MEGF10: variants seen among roughly 807,000 people sequenced by gnomAD.
MEGF10 encodes multiple epidermal growth factor-like domains protein 10.
In MEGF10, 86 loss-of-function variants were observed where a neutral mutation model predicts 147.5. That is an observed-to-expected ratio of 0.58 (90% CI 0.49 to 0.70). The LOEUF (loss-of-function observed/expected upper bound fraction) is 0.70, where lower values mean the gene tolerates loss of function less well. Ranked by LOEUF, MEGF10 falls within the 30% of genes least tolerant of loss-of-function variation. The pLI, the probability that MEGF10 is intolerant of heterozygous loss-of-function variation, is 0.00. For synonymous variants in MEGF10, 478 were observed against 525.5 expected (o/e 0.91, Z 1.24); for missense variants, 1,329 against 1,487.3 (o/e 0.89, Z 1.75).
intron 6 of MEGF10, 58 bp from the exon 7 acceptor site, chr5:127,398,618 C>A: frequency 1.2e-6 from 2 of 1,606,938 alleles, no homozygotes; most frequent in Middle Eastern, 1.8e-4. Flanking sequence ...GTACAGTGAA[C>A]CCGAGGGTCA....
chr5:127,445,176 C>G, intron 19 of MEGF10: 1 of 419,964 alleles, frequency 2.4e-6, no homozygotes, highest in Non-Finnish European at 4.4e-6. Flanking sequence ...GATCAGTTCT[C>G]CCGCCTCAGT....
chr5:127,387,247 A>G (rs142385427), intron 5 of MEGF10, among the ~76,000 whole-genome samples: 64 of 152,302 alleles, frequency 4.2e-4, no homozygotes, highest in African/African-American at 1.5e-3. Context: ...ATTTCTGTTT[A>G]TCTCTAATCG....
chr5:127,416,593 G>A (rs1764788374), intron 9 of MEGF10, among the ~76,000 whole-genome samples: 2 of 152,108 alleles, frequency 1.3e-5, no homozygotes, highest in Non-Finnish European at 2.9e-5. Flanking sequence ...GAACACTAAG[G>A]TGCAGCAGGG....
chr5:127,440,794 C>T lies in MEGF10; in HGVS notation c.2289C>T (p.Asn763=), dbSNP rs151316424. 118 of 1,614,000 alleles carry T rather than the reference C, an allele frequency of 7.3e-5. No homozygotes were observed. Among genetic ancestry groups the T allele is most frequent in the Non-Finnish European group, 9.2e-5 (108 of 1,179,998 alleles). Residue 763 remains asparagine, a synonymous_variant, in exon 18 of 25, where the codon AAC becomes AAT. Coordinates refer to ENST00000503335, the MANE Select transcript of MEGF10 (RefSeq NM_001256545.2). ...KDCALICQCQ[N]GADCDHISGQ... is the part of the protein sequence containing the mutation. ...GTGCACTGATATGCCAATGTCAAAA[C>T]GGAGCTGACTGCGACCACATTTCTG...
At chr5:127,373,837 A>G (rs1178706104) in intron 5 of MEGF10, among the ~76,000 whole-genome samples, 1 of 152,200 alleles carries the variant, frequency 6.6e-6, no homozygotes, top group Non-Finnish European at 1.5e-5. Flanking sequence ...CAAAAAGGAA[A>G]CCCCACTAAG....
chr5:127,366,561 C>G (rs1406486097), intron 4 of MEGF10, among the ~76,000 whole-genome samples: 2 of 152,184 alleles, frequency 1.3e-5, no homozygotes, highest in South Asian at 4.1e-4. Context: ...GAAGCAGATT[C>G]CCCCTTCCAA....
chr5:127,296,750 C>T (rs1246977266), intron 1 of MEGF10, among the ~76,000 whole-genome samples: 1 of 152,144 alleles, frequency 6.6e-6, no homozygotes, highest in African/African-American at 2.4e-5. Context: ...TTAACTTGTT[C>T]CTCACAGAGT....
upstream of MEGF10, among the ~76,000 whole-genome samples, chr5:127,286,567 C>T (rs1173990031): frequency 1.3e-5 from 2 of 151,380 alleles, no homozygotes; most frequent in African/African-American, 4.9e-5. Context: ...ATTTGTGGAA[C>T]ATGGTTACAG....
the MEGF10 span, among the ~76,000 whole-genome samples, chr5:127,246,898 A>T: frequency 6.9e-6 from 1 of 144,172 alleles, no homozygotes; most frequent in East Asian, 2.0e-4. Flanking sequence ...ATACAATAAT[A>T]TATACTATAT....
At chr5:127,242,733 A>C in the MEGF10 span, among the ~76,000 whole-genome samples, 1 of 152,182 alleles carries the variant, frequency 6.6e-6, no homozygotes, top group East Asian at 1.9e-4. Context: ...GAACTGAAAG[A>C]TATCAGCCAA....
chr5:127,282,494 A>G, the MEGF10 span, among the ~76,000 whole-genome samples: 1 of 152,080 alleles, frequency 6.6e-6, no homozygotes, highest in East Asian at 1.9e-4. Flanking sequence ...TTGAAATCCC[A>G]TTTACTTTAC....
At chr5:127,345,440 G>A (rs1406126380) in intron 4 of MEGF10, among the ~76,000 whole-genome samples, 1 of 152,134 alleles carries the variant, frequency 6.6e-6, no homozygotes, top group African/African-American at 2.4e-5. Flanking sequence ...CATCAGGCAG[G>A]AAAGACCAGA....
the MEGF10 span, among the ~76,000 whole-genome samples, chr5:127,249,847 T>G: frequency 2.6e-5 from 4 of 152,186 alleles, no homozygotes; most frequent in African/African-American, 4.8e-5. Context: ...GGTTCTGGTC[T>G]CCAACTCCAA....
chr5:127,263,077 A>T, the MEGF10 span, among the ~76,000 whole-genome samples: 5 of 152,220 alleles, frequency 3.3e-5, no homozygotes, highest in African/African-American at 1.2e-4. Flanking sequence ...GGTGTTGTCT[A>T]CCTTTAAAGG....
chr5:127,284,963 G>T, the MEGF10 span, among the ~76,000 whole-genome samples: 1 of 152,152 alleles, frequency 6.6e-6, no homozygotes, highest in Admixed American at 6.5e-5. Context: ...TGGAACAAAT[G>T]AGAATATCTC....
intron 5 of MEGF10, among the ~76,000 whole-genome samples, chr5:127,381,960 C>T (rs369167355): frequency 6.6e-5 from 10 of 152,278 alleles, no homozygotes; most frequent in Middle Eastern, 3.4e-3. Flanking sequence ...CGTGAGCCAC[C>T]GCACCCAGCC....
At chr5:127,395,795 C>T (rs994857861) in intron 5 of MEGF10, among the ~76,000 whole-genome samples, 2 of 152,072 alleles carry the variant, frequency 1.3e-5, no homozygotes, top group African/African-American at 2.4e-5. Flanking sequence ...CCTCCCGTCT[C>T]GGCCTCCCAA....
intron 1 of MEGF10, among the ~76,000 whole-genome samples, chr5:127,295,356 T>C (rs1034749191): frequency 2.0e-5 from 3 of 152,242 alleles, no homozygotes; most frequent in African/African-American, 7.2e-5. Context: ...TCAATAACAG[T>C]TGACCAGCTC....
chr5:127,320,749 T>C (rs370505311), intron 1 of MEGF10, among the ~76,000 whole-genome samples: 1 of 152,220 alleles, frequency 6.6e-6, no homozygotes, highest in African/African-American at 2.4e-5. Flanking sequence ...CCTTTGACAA[T>C]GTGGGCTTAA....
Sources: allele counts gnomAD v4.1 joint callset (sites outside exome capture counted in the v4.1 genomes callset), GRCh38; gene constraint gnomAD v4.1.1; transcripts MANE v1.5; gene names NCBI Gene and HGNC (gene_info 2026-07-23, HGNC 2026-07-21).